The following ACYP2 variants were observed in gnomAD, a reference collection of about 807,000 sequenced individuals.
The protein encoded by ACYP2 is acylphosphatase 2.
In ACYP2, 12 loss-of-function variants were observed where a neutral mutation model predicts 11.2. The ratio of observed to expected loss-of-function variants is 1.08; its 90% CI spans 0.69 to 1.74. The LOEUF is 1.74. ACYP2 is among the 40% of genes most tolerant of loss of function. The pLI is 0.00. For missense variants in ACYP2, 134 were observed against 101.9 expected (o/e 1.31, Z -1.35); for synonymous variants, 43 against 32.2 (o/e 1.33, Z -1.13).
chr2:53,990,770 G>T (rs1424191389), intron 2 of ACYP2, among the ~76,000 whole-genome samples: 1 of 151,506 alleles, frequency 6.6e-6, no homozygotes, highest in Non-Finnish European at 1.5e-5. Flanking sequence ...GTCTGCAGAT[G>T]ACCTAAGAAT....
At chr2:54,013,042 C>T (rs960375911) in intron 2 of ACYP2, among the ~76,000 whole-genome samples, 49 of 152,136 alleles carry the variant, frequency 3.2e-4, no homozygotes, top group African/African-American at 1.2e-3. Context: ...ACACATTTCG[C>T]AGATATATCT....
chr2:54,293,485 C>T (rs1441771727), intron 6 of ACYP2, among the ~76,000 whole-genome samples: 1 of 152,150 alleles, frequency 6.6e-6, no homozygotes, highest in Non-Finnish European at 1.5e-5. Context: ...GATGATGCGC[C>T]ATTTTCCGCT....
chr2:54,154,965 T>C (rs1233712852), intron 6 of ACYP2, among the ~76,000 whole-genome samples: 1 of 152,214 alleles, frequency 6.6e-6, no homozygotes, highest in Non-Finnish European at 1.5e-5. Flanking sequence ...TCAATTATTA[T>C]TGGTCTGTTC....
In ACYP2 at chr2:54,137,813, G is replaced by A. The variant is rs536534954; in HGVS notation, c.295-826G>A. Among the ~76,000 whole-genome samples the A allele has an allele frequency of 2.2e-4, 33 of 152,198 alleles. No individual in the cohort carries two copies. The East Asian group carries it at 3.3e-3, about 15-fold the overall frequency. Reference sequence around the variant, plus strand: ...GTATATACCCAATAATGGAATTGCCGGGTCACATTGTAGTTCTGTTTTTAG... The same window carrying A: ...GTATATACCCAATAATGGAATTGCCAGGTCACATTGTAGTTCTGTTTTTAG... On this transcript the variant is annotated intron_variant, in intron 5 of 6. Transcript: ENST00000607452.
intron 6 of ACYP2, among the ~76,000 whole-genome samples, chr2:54,273,863 C>T (rs1384630290): frequency 2.0e-5 from 3 of 152,266 alleles, no homozygotes; most frequent in East Asian, 3.9e-4. Context: ...AGAGGGAAGA[C>T]CTATACTACC....
chr2:54,135,774 T>C (rs574013075), intron 5 of ACYP2, among the ~76,000 whole-genome samples: 20 of 152,334 alleles, frequency 1.3e-4, no homozygotes, highest in African/African-American at 4.6e-4. Context: ...TTCTACATGT[T>C]CTGGATGGAA....
intron 6 of ACYP2, among the ~76,000 whole-genome samples, chr2:54,162,221 C>A (rs1350634326): frequency 6.6e-6 from 1 of 152,078 alleles, no homozygotes; most frequent in East Asian, 1.9e-4. Context: ...GTAAGATGGA[C>A]CTCCCTTTAT....
In ACYP2 at chr2:54,157,811, T is replaced by G. The variant is rs545454598; in HGVS notation, c.404+19063T>G. 4.5e-4 allele frequency among the ~76,000 whole-genome samples: 68 copies of G among 152,258 alleles called. No individual in the cohort carries two copies. The South Asian group carries it at 0.013, about 30-fold the overall frequency. Reference sequence around the variant, plus strand: ...GGAAAGGCTTTCCATGGAGGTGACTTCTAAGCTAAGAGATGCATGGTGAAG... The same window carrying G: ...GGAAAGGCTTTCCATGGAGGTGACTGCTAAGCTAAGAGATGCATGGTGAAG... On this transcript the variant is annotated intron_variant, in intron 6 of 6. Coordinates refer to ENST00000607452, the MANE Select transcript of ACYP2 (RefSeq NM_001320586.2).
At chr2:53,980,825 C>T (rs530662103) in intron 2 of ACYP2, among the ~76,000 whole-genome samples, 16 of 152,034 alleles carry the variant, frequency 1.1e-4, no homozygotes, top group Admixed American at 5.9e-4. Context: ...AATCACAGCT[C>T]ACTGCAGGGT....
chr2:54,301,376 ACCC>A (rs972908753), intron 6 of ACYP2, among the ~76,000 whole-genome samples: 2 of 151,936 alleles, frequency 1.3e-5, no homozygotes, highest in Non-Finnish European at 2.9e-5. Flanking sequence ...ACCAGAGTTA[ACCC>A]CCCAATTCCC....
chr2:53,988,243 A>C (rs894316851), intron 2 of ACYP2, among the ~76,000 whole-genome samples: 1 of 152,084 alleles, frequency 6.6e-6, no homozygotes, highest in African/African-American at 2.4e-5. Flanking sequence ...CACTTTGCCT[A>C]GTCCTAGATT....
chr2:53,972,628 T>G (rs575898952), intron 1 of ACYP2, among the ~76,000 whole-genome samples: 2 of 152,188 alleles, frequency 1.3e-5, no homozygotes, highest in African/African-American at 4.8e-5. Flanking sequence ...AGAGTCACTC[T>G]GGCTTCGTCT....
intron 6 of ACYP2, among the ~76,000 whole-genome samples, chr2:54,273,324 C>T (rs945786708): frequency 6.6e-6 from 1 of 152,168 alleles, no homozygotes; most frequent in Non-Finnish European, 1.5e-5. Context: ...AATACTAGTA[C>T]ATTAATTGAG....
chr2:54,091,489 T>TTTA (rs1678227307), intron 4 of ACYP2, among the ~76,000 whole-genome samples: 5 of 143,656 alleles, frequency 3.5e-5, no homozygotes, highest in Non-Finnish European at 6.0e-5. Context: ...ACTCTCTTGA[T>TTTA]TTTATTTATT....
At chr2:54,233,149 G>A (rs899712405) in intron 6 of ACYP2, among the ~76,000 whole-genome samples, 2 of 151,544 alleles carry the variant, frequency 1.3e-5, no homozygotes, top group African/African-American at 4.9e-5. Context: ...AATGTGATAA[G>A]TTACACTCAT....
chr2:54,033,230 C>T (rs1349083083), intron 2 of ACYP2, among the ~76,000 whole-genome samples: 11 of 148,276 alleles, frequency 7.4e-5, no homozygotes, highest in Non-Finnish European at 1.2e-4. Flanking sequence ...CAGGGTCTTG[C>T]GTTGTTGTCC....
chr2:53,996,334 A>G (rs1672572464), intron 2 of ACYP2, among the ~76,000 whole-genome samples: 1 of 152,104 alleles, frequency 6.6e-6, no homozygotes, highest in Non-Finnish European at 1.5e-5. Context: ...ATGGGGATGT[A>G]CACCTATGAG....
chr2:54,145,330 C>G (rs1018676672), intron 6 of ACYP2, among the ~76,000 whole-genome samples: 1 of 152,144 alleles, frequency 6.6e-6, no homozygotes, highest in African/African-American at 2.4e-5. Context: ...CTTTAGGCTG[C>G]AAGTAACAGG....
At chr2:54,233,697 G>T (rs1429923706) in intron 6 of ACYP2, among the ~76,000 whole-genome samples, 4 of 152,110 alleles carry the variant, frequency 2.6e-5, no homozygotes, top group Non-Finnish European at 5.9e-5. Flanking sequence ...TGTCACTACA[G>T]ATTAGTTGCA....
Sources: gnomAD v4.1 joint callset for allele counts (sites outside exome capture counted in the v4.1 genomes callset) on GRCh38, gnomAD v4.1.1 for gene constraint, MANE v1.5 for transcripts, NCBI Gene and HGNC (gene_info 2026-07-23, HGNC 2026-07-21) for gene names.